The following ULK4 variants were observed in gnomAD, a reference collection of about 807,000 sequenced individuals.
The protein encoded by ULK4 is inactive serine/threonine-protein kinase ULK4.
ULK4 carries 133 observed loss-of-function variants against 160.6 expected under a neutral mutation model. That is an observed-to-expected ratio of 0.83 (90% CI 0.72 to 0.96). ULK4 has a LOEUF of 0.96. ULK4 is among the 40% of genes least tolerant of loss of function. The pLI, the probability that ULK4 is intolerant of heterozygous loss-of-function variation, is 0.00. For missense variants in ULK4, 1,580 were observed against 1,499.5 expected (o/e 1.05, Z -0.89); for synonymous variants, 534 against 539.8 (o/e 0.99, Z 0.15).
chr3:41,826,932 A>T lies in ULK4; in HGVS notation c.1765-7426T>A, dbSNP rs1018898572. ...AAGTAAAGCTCTCCTCAGCAAATGT[A>T]AAAGAACAGAAATTACAACAAACTG... On this transcript the variant is annotated intron_variant, in intron 18 of 36. Coordinates refer to ENST00000301831, the MANE Select transcript of ULK4 (RefSeq NM_017886.4). Among the ~76,000 whole-genome samples the T allele has an allele frequency of 4.8e-4, 69 of 142,818 alleles. 1 individual carries two copies. The highest frequency in any genetic ancestry group is 2.2e-3 in the Admixed American group (32 of 14,596). The allele number at this position is 142,818 out of a possible 152,430, so 93.7% of individuals were successfully genotyped here.
chr3:41,798,002 AAAAG>A (rs1380105127), intron 20 of ULK4, among the ~76,000 whole-genome samples: 4 of 152,178 alleles, frequency 2.6e-5, no homozygotes, highest in African/African-American at 9.6e-5. Context: ...CTTTGCACAG[AAAAG>A]AAAAAGGAGA....
intron 25 of ULK4, among the ~76,000 whole-genome samples, chr3:41,706,383 TATTTATATATATTAA>T (rs2036884292): frequency 6.9e-6 from 1 of 145,812 alleles, no homozygotes; most frequent in African/African-American, 2.5e-5. Flanking sequence ...TTAATATATA[TATTTATATATATTAA>T]ATATATATAA....
intron 32 of ULK4, among the ~76,000 whole-genome samples, chr3:41,480,808 C>T (rs530344244): frequency 4.6e-5 from 7 of 152,244 alleles, no homozygotes; most frequent in East Asian, 1.9e-4. Context: ...GAAGCAAACA[C>T]GTCCTTCTTC....
rs532182379 is a variant in ULK4, at chr3:41,322,459, A to G, written c.3679-72885T>C. Among the ~76,000 whole-genome samples the G allele has an allele frequency of 1.1e-3, 161 of 152,224 alleles. 2 individuals carry two copies. Among genetic ancestry groups the G allele is most frequent in the African/African-American group, 3.1e-3 (128 of 41,482 alleles). ...TTGAGGTTGCTGTAGACCCGTATGG[A>G]TTCGCTGCTGCTAACAATTTGACCC... is the stretch of plus-strand genomic sequence containing the variant. On this transcript the variant is annotated intron_variant, in intron 35 of 36. Coordinates refer to ENST00000301831, the MANE Select transcript of ULK4 (RefSeq NM_017886.4).
intron 19 of ULK4, among the ~76,000 whole-genome samples, chr3:41,806,481 T>C (rs1415165801): frequency 6.6e-6 from 1 of 152,226 alleles, no homozygotes; most frequent in Non-Finnish European, 1.5e-5. Context: ...TGTCTGTATT[T>C]CCTTCAGTTC....
intron 32 of ULK4, among the ~76,000 whole-genome samples, chr3:41,531,915 C>G (rs73080713): frequency 0.1 from 15,567 of 152,184 alleles, 1,130 homozygotes; most frequent in Non-Finnish European, 0.15. Flanking sequence ...AGATTCCAGT[C>G]TAATGGGAGC....
intron 34 of ULK4, among the ~76,000 whole-genome samples, chr3:41,426,250 C>T (rs577023553): frequency 3.3e-5 from 5 of 152,228 alleles, no homozygotes; most frequent in East Asian, 1.9e-4. Context: ...TATATGCACC[C>T]GATACAGGAG....
chr3:41,911,783 C>T (rs1409398965), intron 9 of ULK4, 124 bp from the exon 10 acceptor site: 1 of 729,618 alleles, frequency 1.4e-6, no homozygotes, highest in Non-Finnish European at 2.3e-6. Context: ...GTTACAGAAT[C>T]TCTTAACTTT....
chr3:41,836,917 G>C (rs1364472364), intron 17 of ULK4, among the ~76,000 whole-genome samples: 3 of 152,090 alleles, frequency 2.0e-5, no homozygotes, highest in African/African-American at 7.2e-5. Context: ...GTTTCGGAAT[G>C]ACATACAGAA....
chr3:41,480,172 G>A (rs529741549), intron 32 of ULK4, among the ~76,000 whole-genome samples: 12 of 141,516 alleles, frequency 8.5e-5, no homozygotes, highest in Non-Finnish European at 1.5e-4. Context: ...GCACCACTGC[G>A]CTCCAGCCTG....
chr3:41,254,176 A>G (rs2078789888), intron 35 of ULK4, among the ~76,000 whole-genome samples: 1 of 152,236 alleles, frequency 6.6e-6, no homozygotes, highest in Admixed American at 6.5e-5. Flanking sequence ...CACTGATCCC[A>G]TCAACAACAG....
rs201877085 is a variant in ULK4, at chr3:41,477,751, CGCCATGGA to C, written c.3227-14506_3227-14499del. Among the ~76,000 whole-genome samples the C allele has an allele frequency of 3.3e-4, 50 of 152,308 alleles. No individual in the cohort carries two copies. The East Asian group carries it at 9.3e-3, about 28-fold the overall frequency. On this transcript the variant is annotated intron_variant, in intron 32 of 36. Transcript: ENST00000301831. ...TGTAAGTATCTGTGAACTGTGGGGTCGCCATGGAGCCATGGAGCACCAAGGGCATGCAG... is the reference window on the plus strand; with the variant it reads ...TGTAAGTATCTGTGAACTGTGGGGTCGCCATGGAGCACCAAGGGCATGCAG...
intron 35 of ULK4, among the ~76,000 whole-genome samples, chr3:41,385,161 C>T (rs1358396372): frequency 6.6e-6 from 1 of 152,168 alleles, no homozygotes; most frequent in Non-Finnish European, 1.5e-5. Flanking sequence ...GATGTCTTCA[C>T]TTTCACATGA....
At chr3:41,788,097 T>G (rs920247076) in intron 21 of ULK4, among the ~76,000 whole-genome samples, 13 of 152,148 alleles carry the variant, frequency 8.5e-5, no homozygotes, top group African/African-American at 2.9e-4. Flanking sequence ...CATAGATTTG[T>G]TAGAAAAAAA....
chr3:41,919,421 G>A (rs1387615189), intron 6 of ULK4, among the ~76,000 whole-genome samples: 1 of 152,088 alleles, frequency 6.6e-6, no homozygotes, highest in Non-Finnish European at 1.5e-5. Flanking sequence ...GGCCAACATG[G>A]TGAGACCCGC....
At chr3:41,804,185 G>C (rs1404656671) in intron 19 of ULK4, among the ~76,000 whole-genome samples, 1 of 151,680 alleles carries the variant, frequency 6.6e-6, no homozygotes, top group Non-Finnish European at 1.5e-5. Context: ...ATTCTAACTG[G>C]TGTGAGATGG....
chr3:41,913,473 C>A (rs1007637432), intron 8 of ULK4, among the ~76,000 whole-genome samples: 1 of 152,182 alleles, frequency 6.6e-6, no homozygotes, highest in Admixed American at 6.5e-5. Context: ...GATCCACCCG[C>A]CTCCGCCTCC....
At chr3:41,551,284 A>G (rs1278154048) in intron 32 of ULK4, among the ~76,000 whole-genome samples, 1 of 151,886 alleles carries the variant, frequency 6.6e-6, no homozygotes, top group African/African-American at 2.4e-5. Context: ...AGATCAGATT[A>G]GAACTAAAAA....
intron 35 of ULK4, among the ~76,000 whole-genome samples, chr3:41,322,452 C>T (rs892216519): frequency 6.6e-6 from 1 of 152,126 alleles, no homozygotes; most frequent in Admixed American, 6.5e-5. Flanking sequence ...GCTGTAGACC[C>T]GTATGGATTC....
Sources: gnomAD v4.1 joint callset for allele counts (sites outside exome capture counted in the v4.1 genomes callset) on GRCh38, gnomAD v4.1.1 for gene constraint, MANE v1.5 for transcripts, NCBI Gene and HGNC (gene_info 2026-07-23, HGNC 2026-07-21) for gene names.